Variants in BACE1 observed in about 807,000 individuals in gnomAD.
BACE1 encodes the protein beta-secretase 1.
A neutral mutation model predicts 54.0 loss-of-function variants in BACE1; 21 were observed. That is an observed-to-expected ratio of 0.39 (90% CI 0.28 to 0.56). The LOEUF is 0.56. BACE1 is among the 20% of genes least tolerant of loss of function. The pLI is 0.63. For missense variants in BACE1, 511 were observed against 661.2 expected (o/e 0.77, Z 2.49); for synonymous variants, 232 against 260.9 (o/e 0.89, Z 1.07).
intron 5 of BACE1, 72 bp downstream of exon 5, chr11:117,292,982 A>G: frequency 6.4e-7 from 1 of 1,557,082 alleles, no homozygotes; most frequent in African/African-American, 1.4e-5. Flanking sequence ...TCCCAACATG[A>G]TAACCAGAGT....
At chr11:117,299,029 C>T (rs2034662744) in intron 1 of BACE1, among the ~76,000 whole-genome samples, 1 of 152,168 alleles carries the variant, frequency 6.6e-6, no homozygotes, top group South Asian at 2.1e-4. Flanking sequence ...TGGTCTCGAA[C>T]TCCTGACCTC....
chr11:117,291,085 GC>G, intron 6 of BACE1, 36 bp from the exon 7 acceptor site: 6 of 1,607,062 alleles, frequency 3.7e-6, no homozygotes, highest in Non-Finnish European at 5.1e-6. Context: ...ATGAGGAAAA[GC>G]CTCTTTATCA....
At chr11:117,300,031 C>T (rs540625926) in intron 1 of BACE1, among the ~76,000 whole-genome samples, 34 of 152,246 alleles carry the variant, frequency 2.2e-4, no homozygotes, top group African/African-American at 8.2e-4. Flanking sequence ...CTGCCCCTCC[C>T]TGCCTCCCCC....
In BACE1 at chr11:117,289,118, C is replaced by T. The variant is rs1375211239; in HGVS notation, c.*448G>A. 5.5e-6 allele frequency: 1 copy of T among 180,550 alleles called. No individual in the cohort carries two copies. The highest frequency in any genetic ancestry group is 2.3e-5 in the African/African-American group (1 of 42,900). 11.2% of individuals were successfully genotyped at this position (180,550 alleles called of 1,614,324 possible). On this transcript the variant is annotated 3_prime_UTR_variant, in exon 9 of 9. Transcript: ENST00000313005. ...ATAGCAAACTGTGCATCCTCTCCTA[C>T]TGACTTTGGCCAGCAGGGAAACAAG... is the stretch of plus-strand genomic sequence containing the variant.
intron 1 of BACE1, among the ~76,000 whole-genome samples, chr11:117,300,759 C>G (rs76380380): frequency 0.016 from 2,440 of 152,208 alleles, 30 homozygotes; most frequent in Non-Finnish European, 0.026. Flanking sequence ...GCACCCACCT[C>G]TTCCTTGGCC....
At chr11:117,305,297 G>A (rs1010825496) in intron 1 of BACE1, among the ~76,000 whole-genome samples, 3 of 152,288 alleles carry the variant, frequency 2.0e-5, no homozygotes, top group African/African-American at 7.2e-5. Context: ...GACAAGAGGA[G>A]CCTAAAGTCA....
Position 117,289,228 on chromosome 11 carries a change from AGAAG to A in BACE1, c.*334_*337del. On this transcript the variant is annotated 3_prime_UTR_variant, in exon 9 of 9. Transcript: ENST00000313005. ...TGCCAGTACTTCTGAAACTAAGAAA[AGAAG>A]AATACTTTGGGTTGGAGAATTTAAA... is the stretch of plus-strand genomic sequence containing the variant. 3.8e-6 allele frequency: 1 copy of A among 264,378 alleles called. No homozygotes were observed. Among genetic ancestry groups the A allele is most frequent in the Non-Finnish European group, 7.4e-6 (1 of 135,578 alleles). 16.4% of individuals were successfully genotyped at this position (264,378 alleles called of 1,614,324 possible).
rs776217371 is a variant in BACE1, at chr11:117,289,563, T to C, written c.*3A>G. Reference sequence around the variant, plus strand: ...AATCTCTATCTTCTGCCCATGGGCCTCCTCACTTCAGCAGGGAGATGTCAT... The same window carrying C: ...AATCTCTATCTTCTGCCCATGGGCCCCCTCACTTCAGCAGGGAGATGTCAT... On this transcript the variant is annotated 3_prime_UTR_variant, in exon 9 of 9. Coordinates refer to ENST00000313005, the MANE Select transcript of BACE1 (RefSeq NM_012104.6). 1.4e-5 allele frequency: 23 copies of C among 1,613,866 alleles called. No individual in the cohort carries two copies. Among genetic ancestry groups the C allele is most frequent in the Non-Finnish European group, 1.8e-5 (21 of 1,179,950 alleles).
rs2034348420 is a variant in BACE1, at chr11:117,289,386, C to T, written c.*180G>A. On this transcript the variant is annotated 3_prime_UTR_variant, in exon 9 of 9. Transcript: ENST00000313005. Reference sequence around the variant, plus strand: ...TTCTCTTTTCTGTTTCCTACAGGTACAGTCCCTGGAACCCACCTTGCCAGC... The same window carrying T: ...TTCTCTTTTCTGTTTCCTACAGGTATAGTCCCTGGAACCCACCTTGCCAGC... The T allele has an allele frequency of 1.0e-6, 1 of 978,010 alleles. No individual in the cohort carries two copies. The highest frequency in any genetic ancestry group is 1.5e-6 in the Non-Finnish European group (1 of 683,878). The allele number at this position is 978,010 out of a possible 1,614,324, so 60.6% of individuals were successfully genotyped here.
At chr11:117,306,718 G>A (rs571484462) in intron 1 of BACE1, among the ~76,000 whole-genome samples, 65 of 152,270 alleles carry the variant, frequency 4.3e-4, no homozygotes, top group African/African-American at 1.6e-3. Context: ...GGCCGACGCT[G>A]GAGAATTGCT....
At position 117,290,525 on chromosome 11, in the gene BACE1, G is replaced by A; in HGVS notation, c.1227C>T (p.Ala409=). The A allele has an allele frequency of 6.2e-7, 1 of 1,614,154 alleles. No homozygotes were observed. Among genetic ancestry groups the A allele is most frequent in the East Asian group, 2.2e-5 (1 of 44,868 alleles). The part of the protein sequence containing the change: ...MEGFYVVFDR[A]RKRIGFAVSA... ...TGACAGCAAAGCCAATTCGTTTTCG[G>A]GCCCGATCAAAGACAACGTAGAAGC... The change falls in exon 8 of 9, where the codon GCC becomes GCT. Residue 409 remains alanine, a synonymous_variant. Coordinates refer to ENST00000313005, the MANE Select transcript of BACE1 (RefSeq NM_012104.6).
chr11:117,291,354 G>A (rs111727514), intron 6 of BACE1, among the ~76,000 whole-genome samples: 40 of 150,524 alleles, frequency 2.7e-4, no homozygotes, highest in African/African-American at 8.3e-4. Flanking sequence ...ATGGCTCACC[G>A]CAACCTCCAC....
At chr11:117,304,922 T>C (rs1017563526) in intron 1 of BACE1, among the ~76,000 whole-genome samples, 2 of 151,770 alleles carry the variant, frequency 1.3e-5, no homozygotes, top group Non-Finnish European at 2.9e-5. Context: ...ACTGCCTCAT[T>C]CCCTGCAGTT....
At chr11:117,297,047 G>A in intron 1 of BACE1, 86 bp from the exon 2 acceptor site, 3 of 995,384 alleles carry the variant, frequency 3.0e-6, no homozygotes, top group Non-Finnish European at 3.1e-6. Context: ...CCCAGCCACA[G>A]TCTGCCCCTT....
chr11:117,295,240 T>C lies in BACE1; in HGVS notation c.458A>G (p.Asn153Ser). 6.2e-7 allele frequency: 1 copy of C among 1,614,170 alleles called. No homozygotes were observed. The highest frequency in any genetic ancestry group is 8.5e-7 in the Non-Finnish European group (1 of 1,180,032). ...AGCAATGTTGGCACGCACAGTGACG[T>C]TGGGGCCATGGGGGATGCTTACCAG... is the stretch of plus-strand genomic sequence containing the variant. ...TDLVSIPHGP[N>S]VTVRANIAAI... Residue 153 changes from asparagine to serine, a missense_variant, in exon 3 of 9, where the codon AAC becomes AGC. This residue lies in a region of BACE1 where 407 missense variants were observed against 565.7 expected (regional missense o/e 0.72). Coordinates refer to ENST00000313005, the MANE Select transcript of BACE1 (RefSeq NM_012104.6).
In BACE1 at chr11:117,293,155, C is replaced by T. The variant is rs1163556279; in HGVS notation, c.739G>A (p.Gly247Ser). Residue 247 changes from glycine (G) to serine (S), a missense_variant, in exon 5 of 9, where the codon GGC becomes AGC. Gly to Ser is a moderately conservative substitution (Grantham distance 56). Coordinates refer to ENST00000313005, the MANE Select transcript of BACE1 (RefSeq NM_012104.6). The surrounding 1 kb of genome is among the most constrained non-coding windows in gnomAD (Gnocchi z 4.1). ...IGGIDHSLYT[G>S]SLWYTPIRRE... ...CGGATGGGTGTATACCAGAGACTGC[C>T]TGTGTACAGCGAGTGGTCGATACCT... is the stretch of plus-strand genomic sequence containing the variant. 1.1e-5 allele frequency: 17 copies of T among 1,614,038 alleles called. No homozygotes were observed. Among genetic ancestry groups the T allele is most frequent in the Non-Finnish European group, 1.4e-5 (17 of 1,179,990 alleles).
Position 117,289,452 on chromosome 11 carries a change from G to T in BACE1, c.*114C>A. On this transcript the variant is annotated 3_prime_UTR_variant, in exon 9 of 9. Coordinates refer to ENST00000313005, the MANE Select transcript of BACE1 (RefSeq NM_012104.6). ...CAAGGCAGAGGCATTTGGTGGGTGG[G>T]GAGGGTCCTGAGGTGCTCTGGCCAC... 6.8e-7 allele frequency: 1 copy of T among 1,472,746 alleles called. No homozygotes were observed. The allele number at this position is 1,472,746 out of a possible 1,614,324, so 91.2% of individuals were successfully genotyped here.
At chr11:117,291,159 T>C (rs1045428192) in intron 6 of BACE1, 110 bp from the exon 7 acceptor site, 5 of 1,385,888 alleles carry the variant, frequency 3.6e-6, no homozygotes, top group East Asian at 2.3e-5. Flanking sequence ...CAGTGAAATA[T>C]CTAAAGTGGG....
At chr11:117,303,465 G>A (rs1416679756) in intron 1 of BACE1, among the ~76,000 whole-genome samples, 1 of 152,210 alleles carries the variant, frequency 6.6e-6, no homozygotes, top group Non-Finnish European at 1.5e-5. Context: ...TAGATCTTGG[G>A]TGATGAGGCA....
Sources: allele counts gnomAD v4.1 joint callset (sites outside exome capture counted in the v4.1 genomes callset), GRCh38; gene constraint gnomAD v4.1.1; regional missense constraint gnomAD v4.1.1; non-coding constraint Gnocchi (gnomAD v3.1); transcripts MANE v1.5; gene names NCBI Gene and HGNC (gene_info 2026-07-23, HGNC 2026-07-21).